Variants in CRTAC1 observed in about 807,000 individuals in gnomAD.
CRTAC1 encodes acidic secreted protein in cartilage.
CRTAC1 carries 37 observed loss-of-function variants against 67.8 expected under a neutral mutation model. The ratio of observed to expected loss-of-function variants is 0.55; its 90% confidence interval spans 0.42 to 0.72. CRTAC1 has a LOEUF of 0.72. CRTAC1 is among the 30% of genes least tolerant of loss of function. The probability of loss-of-function intolerance (pLI) is 0.00; values close to 1 mark genes in which losing one functional copy is unlikely to be tolerated. For synonymous variants in CRTAC1, 348 were observed against 371.0 expected, an observed-to-expected ratio of 0.94 and a Z score of 0.71; for missense variants, 780 against 931.6, an observed-to-expected ratio of 0.84 and a Z score of 2.12.
At chr10:97,929,124 C>G (rs747299304) in intron 3 of CRTAC1, among the ~76,000 whole-genome samples, 1 of 151,970 alleles carries the variant, frequency 6.6e-6, no homozygotes, top group Non-Finnish European at 1.5e-5. Flanking sequence ...GTGACCCAAG[C>G]AGGGACACTG....
chr10:97,993,491 T>C (rs1358701635), intron 2 of CRTAC1, among the ~76,000 whole-genome samples: 2 of 152,254 alleles, frequency 1.3e-5, no homozygotes, highest in Non-Finnish European at 2.9e-5. Context: ...ATCTCTCTTA[T>C]GACTAAGATA....
At chr10:97,962,111 G>A (rs60261428) in intron 2 of CRTAC1, among the ~76,000 whole-genome samples, 2 of 152,134 alleles carry the variant, frequency 1.3e-5, no homozygotes, top group African/African-American at 4.8e-5. Flanking sequence ...CTATGCTCGC[G>A]GTTTTCCTTC....
chr10:97,881,427 A>C (rs533246336), intron 13 of CRTAC1, among the ~76,000 whole-genome samples: 3 of 152,184 alleles, frequency 2.0e-5, no homozygotes, highest in Non-Finnish European at 4.4e-5. Context: ...TCCAGGGAGC[A>C]CCTTGCTCAG....
chr10:97,896,834 C>CCCA, intron 9 of CRTAC1, 75 bp downstream of exon 9: 1 of 309,986 alleles, frequency 3.2e-6, no homozygotes, highest in Non-Finnish European at 6.9e-6. Context: ...GCTGCCCCGT[C>CCCA]CCTCCCGCCC....
intron 3 of CRTAC1, among the ~76,000 whole-genome samples, chr10:97,930,568 C>T (rs1176602197): frequency 6.6e-6 from 1 of 152,100 alleles, no homozygotes; most frequent in East Asian, 1.9e-4. Context: ...TTAAGAGCAC[C>T]CCGCTGATTC....
rs568612165 is a variant in CRTAC1, at chr10:97,922,225, G to A, written c.558+1039C>T. On this transcript the variant is annotated intron_variant, in intron 4 of 14. Coordinates refer to ENST00000370597, the MANE Select transcript of CRTAC1 (RefSeq NM_018058.7). Reference sequence around the variant, plus strand: ...ACCAGGCAGGAGTCCAGGTGGCACAGATTCAGGTCAGGCTAAATGTGGCTT... The same window carrying A: ...ACCAGGCAGGAGTCCAGGTGGCACAAATTCAGGTCAGGCTAAATGTGGCTT... 3.9e-5 allele frequency among the ~76,000 whole-genome samples: 6 copies of A among 152,312 alleles called. No individual in the cohort carries two copies. The East Asian group carries it at 1.2e-3, about 29-fold the overall frequency.
At chr10:97,920,122 G>T (rs1023580167) in intron 4 of CRTAC1, among the ~76,000 whole-genome samples, 3 of 152,126 alleles carry the variant, frequency 2.0e-5, no homozygotes, top group African/African-American at 7.2e-5. Flanking sequence ...ATGACTGGAT[G>T]AAAAGTGAAT....
Position 97,914,194 on chromosome 10 carries a change from C to T in CRTAC1, c.715+3306G>A, listed in dbSNP as rs1590204553. Reference sequence around the variant, plus strand: ...CCAGAGGGGATGGGGATGAAGATGCCGCTGGCCATGCCCAGGACTGGAGGT... The same window carrying T: ...CCAGAGGGGATGGGGATGAAGATGCTGCTGGCCATGCCCAGGACTGGAGGT... On this transcript the variant is annotated intron_variant, in intron 5 of 14. Transcript: ENST00000370597. Among the ~76,000 whole-genome samples, 4 of 152,204 alleles carry T rather than the reference C, an allele frequency of 2.6e-5. No homozygotes were observed. In the South Asian group the frequency reaches 8.3e-4, roughly 32 times the overall value.
intron 1 of CRTAC1, among the ~76,000 whole-genome samples, chr10:98,013,290 C>T (rs499415): frequency 0.3 from 46,065 of 152,024 alleles, 7,209 homozygotes; most frequent in African/African-American, 0.33. Flanking sequence ...TAGTTAGTTC[C>T]TCCCAGGCAC....
chr10:98,002,761 C>CTTTTTTTTTTTTTT (rs531021933), intron 2 of CRTAC1, among the ~76,000 whole-genome samples: 1 of 37,296 alleles, frequency 2.7e-5, no homozygotes, highest in African/African-American at 8.0e-5. Context: ...ACAAAACTCA[C>CTTTTTTTTTTTTTT]TTTTTTTTTT....
intron 2 of CRTAC1, among the ~76,000 whole-genome samples, chr10:97,994,869 G>A (rs987758365): frequency 1.3e-5 from 2 of 152,206 alleles, no homozygotes; most frequent in African/African-American, 4.8e-5. Flanking sequence ...GAGGCCCAAG[G>A]AGCAGATCCG....
chr10:97,902,344 C>A (rs2050553307), intron 7 of CRTAC1, among the ~76,000 whole-genome samples: 1 of 152,226 alleles, frequency 6.6e-6, no homozygotes, highest in South Asian at 2.1e-4. Flanking sequence ...AAAGAGGTTA[C>A]CTGTAGCTGT....
intron 2 of CRTAC1, among the ~76,000 whole-genome samples, chr10:97,966,999 C>A (rs56672440): frequency 2.3e-5 from 3 of 130,904 alleles, no homozygotes; most frequent in African/African-American, 5.4e-5. Flanking sequence ...AGTCACCCCC[C>A]CCCCCCCGAC....
rs540645118 is a variant in CRTAC1 at position 97,962,348 on chromosome 10, T to C, written c.225-25982A>G. On this transcript the variant is annotated intron_variant, in intron 2 of 14. Transcript: ENST00000370597. ...GTCAGTAAGAAACACCCAGAACCAT[T>C]TTTCAAAACCAGCAGCTGTAAAGGA... 5.9e-5 allele frequency among the ~76,000 whole-genome samples: 9 copies of C among 152,294 alleles called. No individual in the cohort carries two copies. In the East Asian group the frequency reaches 1.7e-3, roughly 29 times the overall value.
At chr10:97,941,447 C>G (rs192928645) in intron 2 of CRTAC1, among the ~76,000 whole-genome samples, 1 of 152,146 alleles carries the variant, frequency 6.6e-6, no homozygotes, top group Non-Finnish European at 1.5e-5. Context: ...CAACCCAAAT[C>G]CCCAGTCCCA....
chr10:97,866,582 G>C (rs558902359), intron 14 of CRTAC1: 1 of 152,280 alleles, frequency 6.6e-6, no homozygotes, highest in Non-Finnish European at 1.5e-5. Context: ...GTGAGTCTGC[G>C]TGTGTTAGCA....
At chr10:97,867,957 G>C (rs1377782949) in intron 14 of CRTAC1, 1 of 152,234 alleles carries the variant, frequency 6.6e-6, no homozygotes, top group African/African-American at 2.4e-5. Context: ...TTGGGTGGGG[G>C]AACAGGTTGG....
chr10:98,028,805 C>A (rs768703877), intron 1 of CRTAC1, among the ~76,000 whole-genome samples: 12 of 152,162 alleles, frequency 7.9e-5, no homozygotes, highest in Non-Finnish European at 1.0e-4. Context: ...CATAAAATAT[C>A]TCCAGGCTGA....
chr10:97,927,065 G>A (rs1301283881), intron 3 of CRTAC1, among the ~76,000 whole-genome samples: 1 of 152,196 alleles, frequency 6.6e-6, no homozygotes, highest in African/African-American at 2.4e-5. Flanking sequence ...TGGCAGCTGG[G>A]GTTCTGCAGA....
Sources: allele counts gnomAD v4.1 joint callset (sites outside exome capture counted in the v4.1 genomes callset), GRCh38; gene constraint gnomAD v4.1.1; transcripts MANE v1.5; gene names NCBI Gene and HGNC (gene_info 2026-07-23, HGNC 2026-07-21).